Variants in TMEM178B observed in about 807,000 individuals in gnomAD.
TMEM178B encodes the protein transmembrane protein 178B.
A neutral mutation model predicts 31.0 loss-of-function variants in TMEM178B; 5 were observed. The ratio of observed to expected loss-of-function variants is 0.16; its 90% CI spans 0.08 to 0.34. TMEM178B has a LOEUF of 0.34. Ranked by LOEUF, TMEM178B falls within the 10% of genes least tolerant of loss-of-function variation. The pLI is 1.00. For missense variants in TMEM178B, 275 were observed against 400.3 expected (o/e 0.69, Z 2.67); for synonymous variants, 164 against 164.0 (o/e 1.00, Z 0.00).
intron 2 of TMEM178B, among the ~76,000 whole-genome samples, chr7:141,313,206 A>T (rs138602888): frequency 6.6e-6 from 1 of 152,322 alleles, no homozygotes; most frequent in African/African-American, 2.4e-5. Flanking sequence ...GTACTGACCG[A>T]GTGGGAAAGA....
At chr7:141,418,247 G>C (rs1246947447) in intron 2 of TMEM178B, among the ~76,000 whole-genome samples, 1 of 151,952 alleles carries the variant, frequency 6.6e-6, no homozygotes, top group Non-Finnish European at 1.5e-5. Context: ...CTCCAGCCAG[G>C]CTACTTGAAA....
intron 1 of TMEM178B, among the ~76,000 whole-genome samples, chr7:141,136,663 A>AT (rs1396436822): frequency 6.6e-5 from 10 of 152,270 alleles, no homozygotes; most frequent in Middle Eastern, 3.4e-3. Context: ...AGGAACTCAA[A>AT]CAACTCAACA....
At chr7:141,216,768 C>T (rs1187073992) in intron 2 of TMEM178B, among the ~76,000 whole-genome samples, 1 of 152,158 alleles carries the variant, frequency 6.6e-6, no homozygotes, top group Non-Finnish European at 1.5e-5. Flanking sequence ...AGCCCATCTG[C>T]CTTCCTACCC....
chr7:141,137,138 T>C (rs1795687524), intron 1 of TMEM178B, among the ~76,000 whole-genome samples: 1 of 152,170 alleles, frequency 6.6e-6, no homozygotes. Flanking sequence ...ATAGCCATTA[T>C]GGAAAACAGT....
chr7:141,251,923 A>G (rs1797840378), intron 2 of TMEM178B, among the ~76,000 whole-genome samples: 1 of 152,168 alleles, frequency 6.6e-6, no homozygotes, highest in South Asian at 2.1e-4. Flanking sequence ...CTGAAATGTC[A>G]TTCGACTTGA....
chr7:141,183,498 T>C (rs1002845661), intron 1 of TMEM178B, among the ~76,000 whole-genome samples: 2 of 152,212 alleles, frequency 1.3e-5, no homozygotes, highest in African/African-American at 2.4e-5. Context: ...TAAATAAGTA[T>C]CATTTTCTGA....
At chr7:141,363,244 G>T (rs902240727) in intron 2 of TMEM178B, among the ~76,000 whole-genome samples, 7 of 152,228 alleles carry the variant, frequency 4.6e-5, no homozygotes, top group African/African-American at 1.7e-4. Flanking sequence ...TGCTGGGTTA[G>T]TAAACAGTTA....
intron 3 of TMEM178B, among the ~76,000 whole-genome samples, chr7:141,456,663 G>T (rs928690209): frequency 1.2e-4 from 18 of 152,206 alleles, no homozygotes; most frequent in African/African-American, 3.1e-4. Context: ...CTGTATTATT[G>T]TAAGTCTCGT....
At chr7:141,381,543 C>T (rs1282233006) in intron 2 of TMEM178B, among the ~76,000 whole-genome samples, 1 of 152,150 alleles carries the variant, frequency 6.6e-6, no homozygotes, top group Non-Finnish European at 1.5e-5. Flanking sequence ...AGTCCTATTT[C>T]TCTTAATTCT....
At chr7:141,110,504 A>G (rs1315463472) in intron 1 of TMEM178B, among the ~76,000 whole-genome samples, 2 of 152,244 alleles carry the variant, frequency 1.3e-5, no homozygotes, top group African/African-American at 4.8e-5. Flanking sequence ...AACTATAGGT[A>G]TGAAGAAGAG....
At chr7:141,229,787 G>A (rs534292692) in intron 2 of TMEM178B, among the ~76,000 whole-genome samples, 2 of 152,044 alleles carry the variant, frequency 1.3e-5, no homozygotes, top group South Asian at 2.1e-4. Context: ...ATAGTGGAGA[G>A]GATTGTTTGA....
chr7:141,239,547 C>T (rs1797583528), intron 2 of TMEM178B, among the ~76,000 whole-genome samples: 1 of 152,152 alleles, frequency 6.6e-6, no homozygotes, highest in Admixed American at 6.5e-5. Context: ...GGATTGATTC[C>T]CCGGGTGGAA....
intron 1 of TMEM178B, among the ~76,000 whole-genome samples, chr7:141,095,458 A>G (rs1794944904): frequency 6.6e-6 from 1 of 152,152 alleles, no homozygotes; most frequent in South Asian, 2.1e-4. Context: ...AATGTGTGTC[A>G]TGACCAATTT....
intron 2 of TMEM178B, among the ~76,000 whole-genome samples, chr7:141,238,274 G>T (rs1490339162): frequency 2.6e-5 from 4 of 152,108 alleles, no homozygotes; most frequent in African/African-American, 9.7e-5. Flanking sequence ...GGTTGGAAAG[G>T]TCTCACTTCT....
chr7:141,395,576 A>T (rs2116611153), intron 2 of TMEM178B, among the ~76,000 whole-genome samples: 1 of 152,290 alleles, frequency 6.6e-6, no homozygotes, highest in East Asian at 1.9e-4. Context: ...TAGGACAAGG[A>T]AGCTGCAGCC....
intron 3 of TMEM178B, among the ~76,000 whole-genome samples, chr7:141,469,630 G>A (rs892258886): frequency 3.9e-5 from 6 of 152,024 alleles, no homozygotes; most frequent in Non-Finnish European, 7.4e-5. Flanking sequence ...TCATATCAGT[G>A]GTTACATAAA....
chr7:141,277,813 A>G (rs1429093569), intron 2 of TMEM178B, among the ~76,000 whole-genome samples: 2 of 152,168 alleles, frequency 1.3e-5, no homozygotes, highest in Non-Finnish European at 2.9e-5. Flanking sequence ...GGGCAAAAGG[A>G]TATTAGGGTA....
At chr7:141,398,413 T>C (rs1447366475) in intron 2 of TMEM178B, among the ~76,000 whole-genome samples, 1 of 152,160 alleles carries the variant, frequency 6.6e-6, no homozygotes, top group Admixed American at 6.5e-5. Context: ...CCTTGGAGTC[T>C]GGGGAATACC....
intron 1 of TMEM178B, among the ~76,000 whole-genome samples, chr7:141,090,244 G>T (rs1794859893): frequency 1.6e-5 from 2 of 126,890 alleles, no homozygotes; most frequent in South Asian, 2.9e-4. Context: ...GGAGTGCAAT[G>T]GTGCAATCAT....
Sources: allele counts gnomAD v4.1 joint callset (sites outside exome capture counted in the v4.1 genomes callset), GRCh38; gene constraint gnomAD v4.1.1; transcripts MANE v1.5; gene names NCBI Gene and HGNC (gene_info 2026-07-23, HGNC 2026-07-21).